Variants in SLC9A9 observed in about 807,000 individuals in gnomAD.
SLC9A9 encodes sodium/hydrogen exchanger 9.
In SLC9A9, 62 loss-of-function variants were observed where a neutral mutation model predicts 77.8. That is an observed-to-expected ratio of 0.80 (90% CI 0.65 to 0.98). The LOEUF (loss-of-function observed/expected upper bound fraction) is 0.98, where lower values mean the gene tolerates loss of function less well. SLC9A9 is among the 50% of genes least tolerant of loss of function. The pLI is 0.00. For synonymous variants in SLC9A9, 320 were observed against 283.5 expected, an observed-to-expected ratio of 1.13 and a Z score of -1.29; for missense variants, 775 against 774.9, an observed-to-expected ratio of 1.00 and a Z score of 0.00.
chr3:143,678,494 T>C (rs1024422903), intron 5 of SLC9A9, among the ~76,000 whole-genome samples: 3 of 152,230 alleles, frequency 2.0e-5, no homozygotes, highest in African/African-American at 7.2e-5. Flanking sequence ...TTCAATTTTA[T>C]AATCTAAATG....
chr3:143,429,362 A>G (rs1420656784), intron 12 of SLC9A9, among the ~76,000 whole-genome samples: 2 of 152,182 alleles, frequency 1.3e-5, no homozygotes, highest in East Asian at 1.9e-4. Context: ...TGGATGAGGT[A>G]TGGAGTAAGA....
At chr3:143,642,475 A>C (rs1353389024) in intron 6 of SLC9A9, among the ~76,000 whole-genome samples, 1 of 152,246 alleles carries the variant, frequency 6.6e-6, no homozygotes. Flanking sequence ...CTGTTGCTCA[A>C]ATAGACTCTT....
intron 6 of SLC9A9, among the ~76,000 whole-genome samples, chr3:143,632,156 G>A (rs1309401384): frequency 3.9e-5 from 6 of 152,278 alleles, no homozygotes; most frequent in African/African-American, 1.4e-4. Context: ...GGATTGAGGG[G>A]AGAAAATCAG....
chr3:143,362,050 C>A (rs1257704629), intron 14 of SLC9A9, among the ~76,000 whole-genome samples: 1 of 152,120 alleles, frequency 6.6e-6, no homozygotes, highest in Admixed American at 6.6e-5. Context: ...ATGGCAGGGG[C>A]AAATTCTGCT....
chr3:143,795,544 A>G (rs563074823), intron 3 of SLC9A9, among the ~76,000 whole-genome samples: 1 of 152,174 alleles, frequency 6.6e-6, no homozygotes, highest in Non-Finnish European at 1.5e-5. Flanking sequence ...TCTCTTTTAT[A>G]TCTTCTGAAT....
At chr3:143,629,804 G>A (rs754572768) in intron 6 of SLC9A9, among the ~76,000 whole-genome samples, 19 of 152,076 alleles carry the variant, frequency 1.2e-4, no homozygotes, top group Admixed American at 1.3e-4. Context: ...GTCCTGAGAT[G>A]TTCATTCACT....
At chr3:143,681,545 A>G (rs545124022) in intron 5 of SLC9A9, among the ~76,000 whole-genome samples, 2 of 152,316 alleles carry the variant, frequency 1.3e-5, no homozygotes, top group Admixed American at 1.3e-4. Context: ...GACAGCTTAT[A>G]TTCTAGGCAT....
chr3:143,795,281 G>GAA (rs776525691), intron 3 of SLC9A9, among the ~76,000 whole-genome samples: 747 of 72,114 alleles, frequency 0.01, 20 homozygotes, highest in East Asian at 0.028. Flanking sequence ...TCAAGAAGCA[G>GAA]AAAAAAAAAA....
chr3:143,712,043 C>A (rs1299194267), intron 4 of SLC9A9, among the ~76,000 whole-genome samples: 1 of 152,152 alleles, frequency 6.6e-6, no homozygotes, highest in Non-Finnish European at 1.5e-5. Context: ...CCTATCACCT[C>A]GATATATGGA....
intron 9 of SLC9A9, among the ~76,000 whole-genome samples, chr3:143,505,897 TC>T (rs2036007431): frequency 6.6e-6 from 1 of 152,202 alleles, no homozygotes. Context: ...AAGGCCATTT[TC>T]TCTGAATTTG....
intron 4 of SLC9A9, among the ~76,000 whole-genome samples, chr3:143,760,212 T>C (rs2108831489): frequency 6.6e-6 from 1 of 152,246 alleles, no homozygotes; most frequent in Non-Finnish European, 1.5e-5. Flanking sequence ...GTTTTTGGCA[T>C]GAAGGGCTGT....
At chr3:143,306,776 G>A (rs971401811) in intron 14 of SLC9A9, among the ~76,000 whole-genome samples, 2 of 152,086 alleles carry the variant, frequency 1.3e-5, no homozygotes, top group African/African-American at 4.8e-5. Flanking sequence ...TATGCCTATG[G>A]CTTCCTTAGC....
At chr3:143,594,955 T>C (rs966252039) in intron 6 of SLC9A9, among the ~76,000 whole-genome samples, 7 of 152,244 alleles carry the variant, frequency 4.6e-5, no homozygotes, top group African/African-American at 1.7e-4. Context: ...GTACAGATAA[T>C]TAAAACATTA....
At chr3:143,434,114 C>T (rs1391216177) in intron 12 of SLC9A9, among the ~76,000 whole-genome samples, 1 of 152,158 alleles carries the variant, frequency 6.6e-6, no homozygotes, top group African/African-American at 2.4e-5. Context: ...ACCCCCCAAA[C>T]ACTAAATTTC....
intron 1 of SLC9A9, among the ~76,000 whole-genome samples, chr3:143,834,433 C>A (rs1195720712): frequency 6.6e-6 from 1 of 152,138 alleles, no homozygotes; most frequent in African/African-American, 2.4e-5. Context: ...AAAAGTTATT[C>A]AGCAAGTACC....
At chr3:143,268,483 C>T (rs1937795738) in intron 15 of SLC9A9, among the ~76,000 whole-genome samples, 1 of 151,990 alleles carries the variant, frequency 6.6e-6, no homozygotes, top group South Asian at 2.1e-4. Context: ...CCTGTAATCC[C>T]AGCACTTTGG....
chr3:143,713,743 C>A lies in SLC9A9; in HGVS notation c.534-20436G>T, dbSNP rs73870422. 9.5e-3 allele frequency among the ~76,000 whole-genome samples: 1,452 copies of A among 152,224 alleles called. 19 individuals carry two copies. The highest frequency in any genetic ancestry group is 0.033 in the African/African-American group (1,361 of 41,544). On this transcript the variant is annotated intron_variant, in intron 4 of 15. Transcript: ENST00000316549. ...AAAATAAACAAACAAAAAACACATA[C>A]AGGTGTACTTGAGGGAGCAAATTTG...
intron 9 of SLC9A9, among the ~76,000 whole-genome samples, chr3:143,523,771 T>A (rs2036357939): frequency 6.6e-6 from 1 of 152,166 alleles, no homozygotes. Context: ...TTAATAATTG[T>A]TGGAAGACAA....
At chr3:143,605,232 G>A (rs2037901870) in intron 6 of SLC9A9, among the ~76,000 whole-genome samples, 1 of 152,172 alleles carries the variant, frequency 6.6e-6, no homozygotes, top group African/African-American at 2.4e-5. Flanking sequence ...ACATTCAGCA[G>A]CTAACCAGAT....
Sources: gnomAD v4.1 joint callset for allele counts (sites outside exome capture counted in the v4.1 genomes callset) on GRCh38, gnomAD v4.1.1 for gene constraint, MANE v1.5 for transcripts, NCBI Gene and HGNC (gene_info 2026-07-23, HGNC 2026-07-21) for gene names.